Variants in AFG1L observed in about 807,000 individuals in gnomAD.
AFG1L encodes AFG1 like ATPase.
AFG1L carries 53 observed loss-of-function variants against 62.2 expected under a neutral mutation model. The ratio of observed to expected loss-of-function variants is 0.85; its 90% CI spans 0.68 to 1.07. The LOEUF is 1.07. Among genes scored for constraint, AFG1L ranks in the 50% least tolerant of loss-of-function variants. AFG1L has a pLI of 0.00. For synonymous variants in AFG1L, 228 were observed against 210.3 expected, an observed-to-expected ratio of 1.08 and a Z score of -0.73; for missense variants, 555 against 590.5, an observed-to-expected ratio of 0.94 and a Z score of 0.62.
intron 1 of AFG1L, among the ~76,000 whole-genome samples, chr6:108,319,984 GC>G (rs1243064197): frequency 6.6e-6 from 1 of 151,956 alleles, no homozygotes; most frequent in Non-Finnish European, 1.5e-5. Flanking sequence ...GGGACTTTGT[GC>G]CCCCCTTTCC....
intron 8 of AFG1L, among the ~76,000 whole-genome samples, chr6:108,451,567 A>G (rs1192741274): frequency 1.3e-5 from 2 of 152,204 alleles, no homozygotes; most frequent in Non-Finnish European, 2.9e-5. Context: ...AGAGAATTTA[A>G]ATTTAGCAAG....
In AFG1L at chr6:108,402,059, A is replaced by C. The variant is rs181217344; in HGVS notation, c.807+5A>C. Reference sequence around the variant, plus strand: ...CCATTCATAGCAGTCTTGAAGGTAAAAACAAATCATTTATTTGTGTTTACT... The same window carrying C: ...CCATTCATAGCAGTCTTGAAGGTAACAACAAATCATTTATTTGTGTTTACT... On this transcript the variant is annotated splice_donor_5th_base_variant and intron_variant, in intron 7 of 12. Transcript: ENST00000368977. The C allele has an allele frequency of 1.3e-3, 1,934 of 1,450,830 alleles. 5 individuals are homozygous for C. The highest frequency in any genetic ancestry group is 1.4e-3 in the Non-Finnish European group (1,466 of 1,074,800). The allele number at this position is 1,450,830 out of a possible 1,614,324, so 89.9% of individuals were successfully genotyped here.
intron 10 of AFG1L, among the ~76,000 whole-genome samples, chr6:108,483,882 T>C (rs979035743): frequency 6.6e-6 from 1 of 152,192 alleles, no homozygotes; most frequent in Admixed American, 6.5e-5. Flanking sequence ...AGTGTATATA[T>C]CCTTAGACTT....
intron 6 of AFG1L, among the ~76,000 whole-genome samples, chr6:108,377,047 T>C (rs1211873020): frequency 6.6e-6 from 1 of 152,044 alleles, no homozygotes; most frequent in East Asian, 1.9e-4. Flanking sequence ...GATAATAAGA[T>C]TTTTTTGGTC....
At chr6:108,464,144 A>C (rs1772574319) in intron 8 of AFG1L, among the ~76,000 whole-genome samples, 1 of 152,210 alleles carries the variant, frequency 6.6e-6, no homozygotes, top group Non-Finnish European at 1.5e-5. Context: ...GAAAAGGGAT[A>C]AAGAAGCAAA....
intron 2 of AFG1L, among the ~76,000 whole-genome samples, chr6:108,337,845 T>G (rs1267109852): frequency 6.6e-6 from 1 of 152,162 alleles, no homozygotes; most frequent in African/African-American, 2.4e-5. Context: ...AGACAGGGCT[T>G]TTACTAAAGC....
rs956781297 is a variant in AFG1L at position 108,463,186 on chromosome 6, G to A, written c.891-13679G>A. ...TGCCTGTAATCTCAGCTACTCAGGA[G>A]GCTGAGGCAGGAGAATTGCCTGAAC... On this transcript the variant is annotated intron_variant, in intron 8 of 12. Transcript: ENST00000368977. Among the ~76,000 whole-genome samples the A allele has an allele frequency of 3.3e-5, 5 of 151,766 alleles. No homozygotes were observed. The East Asian group carries it at 7.8e-4, about 24-fold the overall frequency.
intron 6 of AFG1L, among the ~76,000 whole-genome samples, chr6:108,391,809 C>T (rs982049703): frequency 3.9e-5 from 6 of 152,110 alleles, no homozygotes; most frequent in African/African-American, 1.4e-4. Context: ...GGATGCATTT[C>T]TTGGTCCCTC....
intron 2 of AFG1L, among the ~76,000 whole-genome samples, chr6:108,344,104 A>T (rs916150197): frequency 1.3e-5 from 2 of 151,992 alleles, no homozygotes; most frequent in Non-Finnish European, 2.9e-5. Context: ...TCTACAGGAT[A>T]GTTTGTTTGT....
At chr6:108,440,534 T>C (rs1290850266) in intron 7 of AFG1L, among the ~76,000 whole-genome samples, 1 of 151,974 alleles carries the variant, frequency 6.6e-6, no homozygotes, top group Non-Finnish European at 1.5e-5. Flanking sequence ...AAATTTTATT[T>C]CCTGGAATAA....
At chr6:108,451,861 C>T (rs1432189126) in intron 8 of AFG1L, among the ~76,000 whole-genome samples, 3 of 152,028 alleles carry the variant, frequency 2.0e-5, no homozygotes, top group African/African-American at 7.3e-5. Flanking sequence ...ATTACAGGCA[C>T]ACGCCACCAC....
chr6:108,298,933 G>A (rs1005387131), intron 1 of AFG1L, among the ~76,000 whole-genome samples: 6 of 152,122 alleles, frequency 3.9e-5, no homozygotes, highest in Non-Finnish European at 7.4e-5. Flanking sequence ...CAGGGCAGCT[G>A]AGGGAGGGAA....
At chr6:108,301,519 A>G (rs895403568) in intron 1 of AFG1L, among the ~76,000 whole-genome samples, 1 of 152,226 alleles carries the variant, frequency 6.6e-6, no homozygotes, top group Non-Finnish European at 1.5e-5. Flanking sequence ...GGTAGAGAGG[A>G]GCTCAGTCAG....
intron 2 of AFG1L, among the ~76,000 whole-genome samples, chr6:108,334,760 A>C (rs1778414356): frequency 6.6e-6 from 1 of 152,106 alleles, no homozygotes; most frequent in South Asian, 2.1e-4. Context: ...CATGTCCTTC[A>C]AAGTTCTTGA....
intron 1 of AFG1L, among the ~76,000 whole-genome samples, chr6:108,316,827 C>T (rs899153655): frequency 3.3e-5 from 5 of 152,108 alleles, no homozygotes; most frequent in African/African-American, 9.7e-5. Context: ...CCACCGCGCT[C>T]GGCCCGCTCT....
Position 108,295,167 on chromosome 6 carries a change from G to A in AFG1L, c.88G>A (p.Ala30Thr). ...GAGATGTGTTGGGTGCGGGGCCTGG[G>A]CCGCCGCTCTCGCTCCTCTGGCCAC... is the stretch of plus-strand genomic sequence containing the variant. ...RGRCVGCGAW[A>T]AALAPLATAP... The change falls in exon 1 of 13, where the codon GCC becomes ACC. Residue 30 changes from alanine (A) to threonine (T), a missense_variant. Ala to Thr is a moderately conservative substitution (Grantham distance 58). Coordinates refer to ENST00000368977, the MANE Select transcript of AFG1L (RefSeq NM_145315.5). 1 of 1,608,778 alleles carries A rather than the reference G, an allele frequency of 6.2e-7. No individual in the cohort carries two copies. The highest frequency in any genetic ancestry group is 1.1e-5 in the South Asian group (1 of 91,088).
intron 8 of AFG1L, among the ~76,000 whole-genome samples, chr6:108,456,814 T>C (rs1324321498): frequency 6.6e-6 from 1 of 152,186 alleles, no homozygotes; most frequent in African/African-American, 2.4e-5. Flanking sequence ...AAGATTATAA[T>C]ACTGTATTTT....
rs142027654 is a variant in AFG1L, at chr6:108,480,352, T to A, written c.1062+3060T>A. Among the ~76,000 whole-genome samples the A allele has an allele frequency of 5.5e-3, 830 of 152,286 alleles. 10 individuals are homozygous for A. Among genetic ancestry groups the A allele is most frequent in the African/African-American group, 0.019 (794 of 41,556 alleles). ...ACTAATATTGTCCCCATTTTATAGG[T>A]AGAGAATTTGAAACACCAAGATGTT... is the stretch of plus-strand genomic sequence containing the variant. On this transcript the variant is annotated intron_variant, in intron 10 of 12. Coordinates refer to ENST00000368977, the MANE Select transcript of AFG1L (RefSeq NM_145315.5).
intron 6 of AFG1L, among the ~76,000 whole-genome samples, chr6:108,396,050 T>G (rs1310090773): frequency 6.7e-6 from 1 of 150,004 alleles, no homozygotes; most frequent in East Asian, 1.9e-4. Flanking sequence ...GTTTTTTTGT[T>G]TTTTTTTTTG....
Sources: gnomAD v4.1 joint callset for allele counts (sites outside exome capture counted in the v4.1 genomes callset) on GRCh38, gnomAD v4.1.1 for gene constraint, MANE v1.5 for transcripts, NCBI Gene and HGNC (gene_info 2026-07-23, HGNC 2026-07-21) for gene names.